XNDC1N: variants seen among roughly 807,000 people sequenced by gnomAD.
XNDC1N encodes protein XNDC1N.
the XNDC1N span, among the ~76,000 whole-genome samples, chr11:71,901,493 G>A: frequency 6.6e-6 from 1 of 151,248 alleles, no homozygotes; most frequent in East Asian, 1.9e-4. Context: ...CAGCTACTTC[G>A]CAGGCTGAGG....
the XNDC1N span, among the ~76,000 whole-genome samples, chr11:71,897,054 G>A: frequency 3.9e-5 from 6 of 152,188 alleles, 1 homozygote; most frequent in African/African-American, 1.2e-4. Flanking sequence ...TGGACCCTAT[G>A]TCACACCAGG....
the XNDC1N span, among the ~76,000 whole-genome samples, chr11:71,890,376 G>A: frequency 2.0e-5 from 3 of 152,212 alleles, no homozygotes; most frequent in South Asian, 6.2e-4. Flanking sequence ...CAATATCACG[G>A]GGGATGTATA....
the XNDC1N span, among the ~76,000 whole-genome samples, chr11:71,886,312 G>A: frequency 6.6e-5 from 10 of 151,108 alleles, no homozygotes; most frequent in East Asian, 5.8e-4. Flanking sequence ...CTTTAACAGC[G>A]AAGAAAGGCG....
At chr11:71,921,595 AAAG>A in the XNDC1N span, among the ~76,000 whole-genome samples, 15 of 152,246 alleles carry the variant, frequency 9.9e-5, no homozygotes, top group South Asian at 2.9e-3. Flanking sequence ...TCCATAAGTA[AAAG>A]AGAGAGACCA....
chr11:71,917,806 G>T, the XNDC1N span: 1 of 701,344 alleles, frequency 1.4e-6, no homozygotes, highest in South Asian at 1.5e-5. Flanking sequence ...AGAAGGATAA[G>T]AGGAATGAGA....
chr11:71,896,794 C>T, the XNDC1N span, among the ~76,000 whole-genome samples: 1 of 152,238 alleles, frequency 6.6e-6, no homozygotes, highest in Non-Finnish European at 1.5e-5. Flanking sequence ...CAACTCCTGA[C>T]CTCACGTGAT....
chr11:71,884,495 C>T, the XNDC1N span: 7 of 1,610,322 alleles, frequency 4.3e-6, no homozygotes, highest in Admixed American at 6.7e-5. Context: ...CAATTAGATA[C>T]TGTGCTGACT....
At chr11:71,868,218 G>C in the XNDC1N span, among the ~76,000 whole-genome samples, 2 of 152,128 alleles carry the variant, frequency 1.3e-5, no homozygotes, top group Non-Finnish European at 2.9e-5. Flanking sequence ...ATACAGTTGG[G>C]GCTTGCTTCT....
chr11:71,919,622 T>TC, the XNDC1N span, among the ~76,000 whole-genome samples: 2 of 35,842 alleles, frequency 5.6e-5, no homozygotes, highest in East Asian at 1.4e-3. Context: ...TTTTTGTTTG[T>TC]TTTTTTTTTT....
the XNDC1N span, among the ~76,000 whole-genome samples, chr11:71,886,648 T>C: frequency 1.3e-5 from 2 of 152,144 alleles, no homozygotes; most frequent in African/African-American, 4.8e-5. Context: ...AATCAGCGCA[T>C]GATTCCCATG....
At chr11:71,881,450 C>T in the XNDC1N span, among the ~76,000 whole-genome samples, 33 of 152,108 alleles carry the variant, frequency 2.2e-4, no homozygotes, top group Non-Finnish European at 8.8e-5. Context: ...AAGATCAAGA[C>T]GTCAGCACAT....
chr11:71,889,082 C>T, the XNDC1N span, among the ~76,000 whole-genome samples: 121 of 152,300 alleles, frequency 7.9e-4, 2 homozygotes, highest in African/African-American at 2.9e-3. Flanking sequence ...ACATCATTGC[C>T]CCAGGCCACT....
the XNDC1N span, among the ~76,000 whole-genome samples, chr11:71,896,328 T>A: frequency 2.0e-5 from 3 of 152,284 alleles, no homozygotes; most frequent in Middle Eastern, 6.8e-3. Context: ...ATAAAGATGG[T>A]TAGCAGACGC....
At chr11:71,918,534 C>T in the XNDC1N span, among the ~76,000 whole-genome samples, 4 of 152,122 alleles carry the variant, frequency 2.6e-5, no homozygotes, top group African/African-American at 4.8e-5. Flanking sequence ...CTCCCGCCTT[C>T]GCCTCCCAAA....
At chr11:71,888,245 G>C in the XNDC1N span, among the ~76,000 whole-genome samples, 46 of 149,330 alleles carry the variant, frequency 3.1e-4, no homozygotes, top group African/African-American at 1.1e-3. Context: ...CGACAGGGGT[G>C]GGAAGGCAGC....
the XNDC1N span, among the ~76,000 whole-genome samples, chr11:71,898,165 CAG>C: frequency 6.6e-6 from 1 of 151,172 alleles, no homozygotes. Context: ...GCCTGTGCGA[CAG>C]AGTGAGACTC....
chr11:71,914,904 T>C, the XNDC1N span, among the ~76,000 whole-genome samples: 2 of 152,146 alleles, frequency 1.3e-5, no homozygotes, highest in Non-Finnish European at 2.9e-5. Flanking sequence ...ATAAACTTAG[T>C]TGATGAAGCA....
chr11:71,919,613 TTTTG>T, the XNDC1N span, among the ~76,000 whole-genome samples: 1 of 13,426 alleles, frequency 7.4e-5, no homozygotes, highest in African/African-American at 1.1e-4. Context: ...TGGTTTTTTT[TTTTG>T]TTTGTTTTTT....
the XNDC1N span, among the ~76,000 whole-genome samples, chr11:71,875,862 C>T: frequency 1.3e-5 from 2 of 151,984 alleles, no homozygotes; most frequent in Non-Finnish European, 2.9e-5. Context: ...TTCATCTCTA[C>T]CAAAAATAGA....
Sources: gnomAD v4.1 joint callset for allele counts (sites outside exome capture counted in the v4.1 genomes callset) on GRCh38, gnomAD v4.1.1 for gene constraint, MANE v1.5 for transcripts, NCBI Gene and HGNC (gene_info 2026-07-23, HGNC 2026-07-21) for gene names.